The following PACRG variants were observed in gnomAD, a reference collection of about 807,000 sequenced individuals.
The protein encoded by PACRG is parkin coregulated gene protein.
In PACRG, 29 loss-of-function variants were observed where a neutral mutation model predicts 29.7. The ratio of observed to expected loss-of-function variants is 0.98; its 90% confidence interval spans 0.73 to 1.33. PACRG has a LOEUF of 1.33. PACRG is among the 40% of genes most tolerant of loss of function. The probability of loss-of-function intolerance (pLI) is 0.00; values close to 1 mark genes in which losing one functional copy is unlikely to be tolerated. For synonymous variants in PACRG, 116 were observed against 118.7 expected, an observed-to-expected ratio of 0.98 and a Z score of 0.15; for missense variants, 279 against 316.2, an observed-to-expected ratio of 0.88 and a Z score of 0.89.
chr6:163,152,906 T>G (rs1277030947), intron 4 of PACRG, among the ~76,000 whole-genome samples: 1 of 152,162 alleles, frequency 6.6e-6, no homozygotes, highest in Admixed American at 6.5e-5. Context: ...ACACGGCCTA[T>G]TAACGGTAGT....
chr6:162,901,445 A>G (rs187179322), intron 2 of PACRG, among the ~76,000 whole-genome samples: 72 of 152,338 alleles, frequency 4.7e-4, no homozygotes, highest in African/African-American at 1.5e-3. Flanking sequence ...AGTTGGGTGC[A>G]GTGACTTTCT....
intron 4 of PACRG, among the ~76,000 whole-genome samples, chr6:163,226,939 A>G (rs764099431): frequency 4.6e-5 from 7 of 152,230 alleles, no homozygotes; most frequent in Admixed American, 2.0e-4. Flanking sequence ...TGTGATGAGT[A>G]GGATTTCACA....
intron 1 of PACRG, among the ~76,000 whole-genome samples, chr6:162,790,943 A>T (rs1355456982): frequency 6.6e-6 from 1 of 152,200 alleles, no homozygotes; most frequent in African/African-American, 2.4e-5. Context: ...TCAACCCTGT[A>T]TTATTGTGCT....
At chr6:162,829,322 A>T (rs575553613) in intron 2 of PACRG, among the ~76,000 whole-genome samples, 221 of 152,362 alleles carry the variant, frequency 1.5e-3, no homozygotes, top group African/African-American at 5.1e-3. Flanking sequence ...TTTTTGGGAT[A>T]CAAATATATA....
chr6:162,738,755 G>T (rs1324017072), intron 1 of PACRG, among the ~76,000 whole-genome samples: 1 of 152,164 alleles, frequency 6.6e-6, no homozygotes, highest in Non-Finnish European at 1.5e-5. Flanking sequence ...TTGCATGTAT[G>T]TATAGAGCTT....
intron 2 of PACRG, among the ~76,000 whole-genome samples, chr6:162,903,365 T>C (rs760311313): frequency 2.0e-5 from 3 of 152,196 alleles, no homozygotes; most frequent in Non-Finnish European, 4.4e-5. Flanking sequence ...GGGGAATGTA[T>C]TAGTCTGTTT....
chr6:162,868,957 G>C (rs898427404), intron 2 of PACRG, among the ~76,000 whole-genome samples: 1 of 152,148 alleles, frequency 6.6e-6, no homozygotes, highest in African/African-American at 2.4e-5. Context: ...AAGTTAGACT[G>C]GTAGGTACCG....
Position 162,788,176 on chromosome 6 carries a change from C to A in PACRG, c.157-25971C>A, listed in dbSNP as rs546762430. ...TCCGTGACCCCCTATTTATTTCTCC[C>A]TCCTCTGAATCCCCAGCAACCACTA... On this transcript the variant is annotated intron_variant, in intron 1 of 4. Transcript: ENST00000366888. Among the ~76,000 whole-genome samples the A allele has an allele frequency of 2.6e-5, 4 of 152,252 alleles. No individual in the cohort carries two copies. In the South Asian group the frequency reaches 6.2e-4, roughly 24 times the overall value.
chr6:163,006,190 C>CATAT (rs776663491), intron 2 of PACRG, among the ~76,000 whole-genome samples: 84 of 123,986 alleles, frequency 6.8e-4, no homozygotes, highest in South Asian at 2.7e-3. Flanking sequence ...TATATAAACC[C>CATAT]ATATATATAT....
intron 4 of PACRG, among the ~76,000 whole-genome samples, chr6:163,091,614 C>G (rs1346793496): frequency 6.6e-6 from 1 of 152,158 alleles, no homozygotes; most frequent in African/African-American, 2.4e-5. Context: ...CACAACAATG[C>G]CAGCCTGCAG....
intron 1 of PACRG, among the ~76,000 whole-genome samples, chr6:162,801,127 C>CT (rs67557919): frequency 0.01 from 1,591 of 151,588 alleles, 30 homozygotes; most frequent in East Asian, 0.075. Context: ...TGTCAATTTT[C>CT]TTTTTTTTTG....
At chr6:163,233,377 A>G (rs550461711) in intron 4 of PACRG, among the ~76,000 whole-genome samples, 1 of 152,332 alleles carries the variant, frequency 6.6e-6, no homozygotes, top group East Asian at 1.9e-4. Context: ...CTGCAGGGGC[A>G]TTTTACAGTT....
chr6:163,088,013 A>G (rs1813757625), intron 3 of PACRG, among the ~76,000 whole-genome samples: 1 of 152,206 alleles, frequency 6.6e-6, no homozygotes, highest in African/African-American at 2.4e-5. Context: ...GTGACTGGGA[A>G]CAAGGTTTAT....
rs1783728370 is a variant in PACRG at position 162,777,314 on chromosome 6, T to C, written c.157-36833T>C. Among the ~76,000 whole-genome samples the C allele has an allele frequency of 3.3e-5, 5 of 152,194 alleles. No homozygotes were observed. Among genetic ancestry groups the C allele is most frequent in the Admixed American group, 3.3e-4 (5 of 15,276 alleles). Reference sequence around the variant, plus strand: ...CCTCTGCTGTGTTCCCTGTGGCACCTTCGCAGACTGAGTGGCTTGGCATTT... The same window carrying C: ...CCTCTGCTGTGTTCCCTGTGGCACCCTCGCAGACTGAGTGGCTTGGCATTT... On this transcript the variant is annotated intron_variant, in intron 1 of 4. Transcript: ENST00000366888. This position sits in a 1 kb window ranked among gnomAD's most constrained non-coding sequence, Gnocchi z 4.0.
intron 4 of PACRG, among the ~76,000 whole-genome samples, chr6:163,306,148 A>T (rs1339331051): frequency 6.6e-6 from 1 of 152,246 alleles, no homozygotes; most frequent in Non-Finnish European, 1.5e-5. Context: ...TCATAGGGCT[A>T]TTCTTAGTTT....
At chr6:163,093,196 C>T (rs1429225665) in intron 4 of PACRG, among the ~76,000 whole-genome samples, 2 of 152,174 alleles carry the variant, frequency 1.3e-5, no homozygotes, top group Admixed American at 6.5e-5. Context: ...CCAGCACAGA[C>T]AAGGAAAGCC....
At chr6:163,094,741 C>T (rs1814417928) in intron 4 of PACRG, among the ~76,000 whole-genome samples, 1 of 152,140 alleles carries the variant, frequency 6.6e-6, no homozygotes, top group Non-Finnish European at 1.5e-5. Context: ...GTCCAAGCAG[C>T]CTCACTACTT....
chr6:163,225,872 T>G (rs1478788754), intron 4 of PACRG, among the ~76,000 whole-genome samples: 1 of 152,138 alleles, frequency 6.6e-6, no homozygotes, highest in Admixed American at 6.5e-5. Flanking sequence ...TGGAATACTA[T>G]TCAGCCTTTA....
intron 2 of PACRG, among the ~76,000 whole-genome samples, chr6:162,900,965 G>A (rs746303066): frequency 2.0e-5 from 3 of 152,082 alleles, no homozygotes; most frequent in South Asian, 4.1e-4. Context: ...TACGCATCCC[G>A]TCTATCTTAT....
Sources: allele counts gnomAD v4.1 joint callset (sites outside exome capture counted in the v4.1 genomes callset), GRCh38; gene constraint gnomAD v4.1.1; non-coding constraint Gnocchi (gnomAD v3.1); transcripts MANE v1.5; gene names NCBI Gene and HGNC (gene_info 2026-07-23, HGNC 2026-07-21).